MARK4: variants seen among roughly 807,000 people sequenced by gnomAD.
MARK4 encodes the protein microtubule affinity regulating kinase 4.
MARK4 carries 19 observed loss-of-function variants against 81.5 expected under a neutral mutation model. The ratio of observed to expected loss-of-function variants is 0.23; its 90% confidence interval spans 0.16 to 0.34. MARK4 has a LOEUF of 0.34. Among genes scored for constraint, MARK4 ranks in the 10% least tolerant of loss-of-function variants. MARK4 has a pLI of 1.00. For synonymous variants in MARK4, 436 were observed against 439.0 expected (o/e 0.99, Z 0.08); for missense variants, 772 against 1,058.8 (o/e 0.73, Z 3.76).
At chr19:45,278,765 G>A (rs944070289) in intron 10 of MARK4, 150 bp downstream of exon 10, 13 of 615,646 alleles carry the variant, frequency 2.1e-5, no homozygotes, top group Admixed American at 5.9e-5. Flanking sequence ...CGCCATGCCC[G>A]GCTAATTTTT....
chr19:45,289,612 A>C (rs1970795293), intron 13 of MARK4, among the ~76,000 whole-genome samples: 5 of 151,104 alleles, frequency 3.3e-5, no homozygotes, highest in Admixed American at 3.3e-4. Flanking sequence ...TCTACTAAAA[A>C]TACAAAACTT....
rs2123043803 is a variant in MARK4, at chr19:45,266,289, C to G, written c.549+8C>G. ...GTACACAGGGACCTGAAGGTAAGCC[C>G]CCGACCCGCTGTGATCTCAGGGACC... On this transcript the variant is annotated splice_region_variant and intron_variant, in intron 7 of 16. Coordinates refer to ENST00000262891, the MANE Select transcript of MARK4 (RefSeq NM_001199867.2). The G allele has an allele frequency of 6.2e-7, 1 of 1,613,670 alleles. No individual in the cohort carries two copies. Among genetic ancestry groups the G allele is most frequent in the East Asian group, 2.2e-5 (1 of 44,884 alleles).
At chr19:45,301,557 C>CAAAAAAAAAAA (rs10630193) in intron 16 of MARK4, among the ~76,000 whole-genome samples, 3 of 49,516 alleles carry the variant, frequency 6.1e-5, no homozygotes, top group Non-Finnish European at 1.0e-4. Context: ...AACTCTGTCT[C>CAAAAAAAAAAA]AAAAAAAAAA....
At chr19:45,253,370 A>G (rs1053774212) in intron 1 of MARK4, among the ~76,000 whole-genome samples, 4 of 152,164 alleles carry the variant, frequency 2.6e-5, no homozygotes, top group Admixed American at 2.6e-4. Flanking sequence ...CAGGGGCTCC[A>G]CAGTCCTGGG....
At chr19:45,289,775 A>C (rs1295066307) in intron 13 of MARK4, among the ~76,000 whole-genome samples, 1 of 151,958 alleles carries the variant, frequency 6.6e-6, no homozygotes, top group African/African-American at 2.4e-5. Flanking sequence ...GTCTCAAAAC[A>C]AAACAAAACA....
At chr19:45,251,856 T>C (rs1970246262) in intron 1 of MARK4, among the ~76,000 whole-genome samples, 1 of 148,120 alleles carries the variant, frequency 6.8e-6, no homozygotes, top group South Asian at 2.1e-4. Context: ...TCGGGACCCC[T>C]CTCTTGTCCC....
Position 45,302,240 on chromosome 19 carries a change from TG to T in MARK4, c.1923-130del. On this transcript the variant is annotated intron_variant, in intron 16 of 16. Coordinates refer to ENST00000262891, the MANE Select transcript of MARK4 (RefSeq NM_001199867.2). This position sits in a 1 kb window ranked among gnomAD's most constrained non-coding sequence, Gnocchi z 4.9. ...CTCTGTATCCAGTTGAAACTGTCGC[TG>T]GGGTAACAGGGGAAGATGTTTTTTG... 3 of 1,539,302 alleles carry T rather than the reference TG, an allele frequency of 1.9e-6. No individual in the cohort carries two copies. The highest frequency in any genetic ancestry group is 2.6e-6 in the Non-Finnish European group (3 of 1,143,574).
chr19:45,278,931 A>G (rs568742849), intron 10 of MARK4, among the ~76,000 whole-genome samples: 1 of 151,990 alleles, frequency 6.6e-6, no homozygotes, highest in Non-Finnish European at 1.5e-5. Context: ...TTAAGACATA[A>G]AGAGAGACCA....
rs372140358 is a variant in MARK4 at position 45,280,551 on chromosome 19, G to T, written c.1117-24G>T. The T allele has an allele frequency of 3.1e-6, 5 of 1,613,798 alleles. No homozygotes were observed. The African/African-American group carries it at 5.3e-5, about 17-fold the overall frequency. ...GTGGAGGGACTTGGGGTGCAGAAGAGCCTCATCTGTCATCCTCTCGCAGGA... is the reference window on the plus strand; with the variant it reads ...GTGGAGGGACTTGGGGTGCAGAAGATCCTCATCTGTCATCCTCTCGCAGGA... On this transcript the variant is annotated intron_variant, in intron 11 of 16. Transcript: ENST00000262891.
At chr19:45,266,012 C>T (rs530639993) in intron 6 of MARK4, among the ~76,000 whole-genome samples, 3 of 151,980 alleles carry the variant, frequency 2.0e-5, no homozygotes, top group Non-Finnish European at 4.4e-5. Context: ...TTGGTTCCGA[C>T]ATCCCTGGGC....
chr19:45,277,844 TG>T, intron 8 of MARK4, 78 bp from the exon 9 acceptor site: 4 of 1,296,956 alleles, frequency 3.1e-6, no homozygotes, highest in Non-Finnish European at 4.3e-6. Context: ...TGTGTGTGTG[TG>T]TGTGTGTGTG....
chr19:45,302,848 T>C lies in MARK4; in HGVS notation c.*138T>C, dbSNP rs1335670748. On this transcript the variant is annotated 3_prime_UTR_variant, in exon 17 of 17. Coordinates refer to ENST00000262891, the MANE Select transcript of MARK4 (RefSeq NM_001199867.2). This position sits in a 1 kb window ranked among gnomAD's most constrained non-coding sequence, Gnocchi z 4.9. ...GAATTATATTTGGGGGCAAAGATTG[T>C]CCCCTCTGCTGTTCTCTGGGGCCGC... 18 of 1,317,582 alleles carry C rather than the reference T, an allele frequency of 1.4e-5. No homozygotes were observed. Among genetic ancestry groups the C allele is most frequent in the Non-Finnish European group, 1.8e-5 (18 of 981,582 alleles). 81.6% of individuals were successfully genotyped at this position (1,317,582 alleles called of 1,614,324 possible). A position where few individuals can be genotyped will look rare whatever the true frequency, so the allele number is the denominator to read the frequency against.
chr19:45,263,293 C>T, intron 3 of MARK4, 26 bp from the exon 4 acceptor site: 1 of 1,614,220 alleles, frequency 6.2e-7, no homozygotes, highest in Non-Finnish European at 8.5e-7. Flanking sequence ...TCACTCTCCT[C>T]TGTCTTCCTT....
At chr19:45,294,895 A>G (rs2123104789) in intron 14 of MARK4, among the ~76,000 whole-genome samples, 1 of 152,264 alleles carries the variant, frequency 6.6e-6, no homozygotes, top group East Asian at 1.9e-4. Context: ...ATCACAGGTC[A>G]AGGCCAGCTA....
chr19:45,297,555 GTC>G, intron 14 of MARK4, 119 bp from the exon 15 acceptor site: 1 of 620,934 alleles, frequency 1.6e-6, no homozygotes, highest in Non-Finnish European at 2.8e-6. Flanking sequence ...TTGCAGCCCT[GTC>G]TCTGAGTTCC....
At chr19:45,286,931 C>G (rs182877748) in intron 12 of MARK4, among the ~76,000 whole-genome samples, 43 of 152,232 alleles carry the variant, frequency 2.8e-4, no homozygotes, top group African/African-American at 9.4e-4. Context: ...TCATTCTGTA[C>G]TGGTGCATAA....
At chr19:45,280,875 A>C (rs956697901) in intron 12 of MARK4, 141 bp downstream of exon 12, 61 of 1,245,538 alleles carry the variant, frequency 4.9e-5, no homozygotes, top group Non-Finnish European at 6.7e-5. Flanking sequence ...TTATAAAGAC[A>C]CAGGGCATTG....
At chr19:45,284,020 T>C (rs1970711150) in intron 12 of MARK4, among the ~76,000 whole-genome samples, 1 of 151,866 alleles carries the variant, frequency 6.6e-6, no homozygotes, top group Admixed American at 6.6e-5. Flanking sequence ...AGATTTCTTC[T>C]TTTTTTTCTT....
In MARK4 at chr19:45,280,605, G is replaced by T. The variant is rs1263505330; in HGVS notation, c.1147G>T (p.Ala383Ser). The T allele has an allele frequency of 6.2e-7, 1 of 1,613,924 alleles. No individual in the cohort carries two copies. Among genetic ancestry groups the T allele is most frequent in the South Asian group, 1.1e-5 (1 of 91,070 alleles). The change falls in exon 12 of 17, where the codon GCC (alanine) becomes TCC (serine). Residue 383 changes from alanine (A) to serine (S), a missense_variant. By Grantham distance (99) the Ala-to-Ser change is moderately conservative. Transcript: ENST00000262891. ...TGGGGACCGGGGCGCCCCAGGGCTGGCCCTGGCACGGGTGCGGGCGCCCAG... is the reference window on the plus strand; with the variant it reads ...TGGGGACCGGGGCGCCCCAGGGCTGTCCCTGGCACGGGTGCGGGCGCCCAG... ...EGGDRGAPGL[A>S]LARVRAPSDT...
Sources: gnomAD v4.1 joint callset for allele counts (sites outside exome capture counted in the v4.1 genomes callset) on GRCh38, gnomAD v4.1.1 for gene constraint, Gnocchi (gnomAD v3.1) non-coding constraint, MANE v1.5 for transcripts, NCBI Gene and HGNC (gene_info 2026-07-23, HGNC 2026-07-21) for gene names.